The following ZNF827 variants were observed in gnomAD, a reference collection of about 807,000 sequenced individuals.
ZNF827 encodes the protein zinc finger protein 827.
ZNF827 carries 13 observed loss-of-function variants against 102.4 expected under a neutral mutation model. That is an observed-to-expected ratio of 0.13 (90% CI 0.08 to 0.20). The LOEUF (loss-of-function observed/expected upper bound fraction) is 0.20. Among genes scored for constraint, ZNF827 ranks in the 10% least tolerant of loss-of-function variants. ZNF827 has a pLI of 1.00. For missense variants in ZNF827, 1,103 were observed against 1,344.4 expected (o/e 0.82, Z 2.81); for synonymous variants, 523 against 536.2 (o/e 0.98, Z 0.34).
intron 1 of ZNF827, among the ~76,000 whole-genome samples, chr4:145,906,172 A>G (rs921720533): frequency 8.5e-5 from 13 of 152,194 alleles, no homozygotes; most frequent in Admixed American, 5.9e-4. Flanking sequence ...CAGCTGGCCC[A>G]ATGCTTCTCT....
At chr4:145,861,507 CG>C (rs1561011069) in intron 5 of ZNF827, among the ~76,000 whole-genome samples, 1 of 152,166 alleles carries the variant, frequency 6.6e-6, no homozygotes, top group Non-Finnish European at 1.5e-5. Context: ...ATCATCAAAT[CG>C]TATTTACCAG....
intron 4 of ZNF827, among the ~76,000 whole-genome samples, chr4:145,879,151 T>A (rs369847529): frequency 6.6e-6 from 1 of 152,160 alleles, no homozygotes; most frequent in Non-Finnish European, 1.5e-5. Context: ...GCTAATTAAG[T>A]AGTCAAGAGC....
chr4:145,798,753 G>A lies in ZNF827; in HGVS notation c.2384-19242C>T, dbSNP rs530650691. 9.9e-5 allele frequency among the ~76,000 whole-genome samples: 15 copies of A among 152,284 alleles called. No individual in the cohort carries two copies. The South Asian group carries it at 2.9e-3, about 29-fold the overall frequency. On this transcript the variant is annotated intron_variant, in intron 8 of 14. Coordinates refer to ENST00000508784, the MANE Select transcript of ZNF827 (RefSeq NM_001306215.2). ...CCATGTTAAATATTAGAACAGATGA[G>A]GCAGAATTTCAGGGAAGGTTATCCG...
intron 8 of ZNF827, among the ~76,000 whole-genome samples, chr4:145,805,092 G>A (rs1335712823): frequency 4.6e-5 from 7 of 151,166 alleles, no homozygotes; most frequent in Non-Finnish European, 7.4e-5. Flanking sequence ...TCCCTGACAC[G>A]TCTCTTTATA....
At chr4:145,819,171 G>T (rs1227924659) in intron 8 of ZNF827, among the ~76,000 whole-genome samples, 1 of 151,832 alleles carries the variant, frequency 6.6e-6, no homozygotes, top group Admixed American at 6.6e-5. Context: ...TATAATTGCA[G>T]ATGTGCTTTA....
At chr4:145,914,399 T>C (rs1401879739) in intron 1 of ZNF827, among the ~76,000 whole-genome samples, 1 of 152,222 alleles carries the variant, frequency 6.6e-6, no homozygotes, top group African/African-American at 2.4e-5. Context: ...ATATTTTTTA[T>C]CAGTTATGCA....
chr4:145,902,556 T>A lies in ZNF827; in HGVS notation c.703A>T (p.Met235Leu). ...GGGGAGGAAAAGGACTCAAATCGCA[T>A]GGTCTCCTCAGTCCTGGTGAGAGAT... The part of the protein sequence containing the change: ...DKSLTRTEET[M>L]RFESFSSPFS... The change falls in exon 2 of 15, where the codon ATG (methionine) becomes TTG (leucine). Residue 235 changes from methionine (M) to leucine (L), a missense_variant. Physicochemically the swap from Met to Leu is conservative, Grantham distance 15. Around this residue, in one of 5 missense-constraint regions of ZNF827, gnomAD observed 441 missense variants for 458.6 expected, o/e 0.96. Transcript: ENST00000508784. This position sits in a 1 kb window ranked among gnomAD's most constrained non-coding sequence, Gnocchi z 4.3. 5 of 1,614,134 alleles carry A rather than the reference T, an allele frequency of 3.1e-6. No homozygotes were observed. Among genetic ancestry groups the A allele is most frequent in the Non-Finnish European group, 4.2e-6 (5 of 1,180,020 alleles).
chr4:145,794,228 ATCC>A (rs1442250345), intron 8 of ZNF827, among the ~76,000 whole-genome samples: 2 of 152,166 alleles, frequency 1.3e-5, no homozygotes, highest in Non-Finnish European at 2.9e-5. Context: ...GAACTCACAG[ATCC>A]TCCTTCTCCA....
chr4:145,804,169 A>G (rs997658841), intron 8 of ZNF827, among the ~76,000 whole-genome samples: 2 of 152,200 alleles, frequency 1.3e-5, no homozygotes, highest in Non-Finnish European at 2.9e-5. Flanking sequence ...GTGAAAATTG[A>G]TGTAATCCAA....
At chr4:145,800,339 T>C (rs551544548) in intron 8 of ZNF827, among the ~76,000 whole-genome samples, 2 of 152,046 alleles carry the variant, frequency 1.3e-5, no homozygotes, top group East Asian at 3.9e-4. Context: ...CAATATCATT[T>C]CATCTGGATA....
chr4:145,842,810 G>A (rs1261058317), intron 7 of ZNF827, among the ~76,000 whole-genome samples: 2 of 152,144 alleles, frequency 1.3e-5, no homozygotes, highest in Non-Finnish European at 2.9e-5. Flanking sequence ...GAAAAATTCT[G>A]AACTTGATTC....
intron 5 of ZNF827, among the ~76,000 whole-genome samples, chr4:145,859,694 C>A (rs534302179): frequency 6.6e-6 from 1 of 152,140 alleles, no homozygotes; most frequent in Non-Finnish European, 1.5e-5. Flanking sequence ...CTGGTTCTCG[C>A]GTCCTCTCTA....
At chr4:145,782,047 T>A (rs1282093113) in intron 8 of ZNF827, among the ~76,000 whole-genome samples, 4 of 152,110 alleles carry the variant, frequency 2.6e-5, no homozygotes, top group African/African-American at 9.7e-5. Context: ...GTGGGAAGAA[T>A]CCCCGGAGTC....
intron 4 of ZNF827, among the ~76,000 whole-genome samples, chr4:145,882,144 A>G (rs931076672): frequency 6.6e-6 from 1 of 152,122 alleles, no homozygotes; most frequent in Admixed American, 6.5e-5. Flanking sequence ...AGTCGGGTGA[A>G]CACCTTTTCC....
chr4:145,772,899 T>A (rs1185469041), intron 11 of ZNF827, among the ~76,000 whole-genome samples: 1 of 152,234 alleles, frequency 6.6e-6, no homozygotes, highest in African/African-American at 2.4e-5. Context: ...TTACGAGGTA[T>A]GTGTTTGCAC....
At chr4:145,766,645 G>A (rs1445903674) in intron 11 of ZNF827, among the ~76,000 whole-genome samples, 1 of 152,112 alleles carries the variant, frequency 6.6e-6, no homozygotes, top group Non-Finnish European at 1.5e-5. Flanking sequence ...GACACAGAGA[G>A]GGTCCCCCTT....
At chr4:145,873,702 C>T (rs958607152) in intron 4 of ZNF827, among the ~76,000 whole-genome samples, 4 of 152,200 alleles carry the variant, frequency 2.6e-5, no homozygotes, top group Non-Finnish European at 4.4e-5. Context: ...GAAGGTTGCT[C>T]CTAAGAGGAC....
At chr4:145,815,638 A>C (rs1742529090) in intron 8 of ZNF827, among the ~76,000 whole-genome samples, 1 of 152,276 alleles carries the variant, frequency 6.6e-6, no homozygotes, top group African/African-American at 2.4e-5. Flanking sequence ...CACAAAGAAG[A>C]AATTGCATGA....
intron 1 of ZNF827, among the ~76,000 whole-genome samples, chr4:145,925,136 T>C (rs574974418): frequency 1.3e-5 from 2 of 152,260 alleles, no homozygotes; most frequent in Middle Eastern, 3.4e-3. Flanking sequence ...CATGAGACTA[T>C]TCACTATCAC....
Sources: gnomAD v4.1 joint callset for allele counts (sites outside exome capture counted in the v4.1 genomes callset) on GRCh38, gnomAD v4.1.1 for gene constraint, gnomAD v4.1.1 regional missense constraint, Gnocchi (gnomAD v3.1) non-coding constraint, MANE v1.5 for transcripts, NCBI Gene and HGNC (gene_info 2026-07-23, HGNC 2026-07-21) for gene names.